The following SLC37A1 variants were observed in gnomAD, a reference collection of about 807,000 sequenced individuals.
SLC37A1 encodes the protein glucose-6-phosphate exchanger SLC37A1.
In SLC37A1, 49 loss-of-function variants were observed where a neutral mutation model predicts 75.3. The ratio of observed to expected loss-of-function variants is 0.65; its 90% CI spans 0.52 to 0.83. The LOEUF is 0.83. Ranked by LOEUF, SLC37A1 falls within the 40% of genes least tolerant of loss-of-function variation. SLC37A1 has a pLI of 0.00. For missense variants in SLC37A1, 566 were observed against 695.0 expected, an observed-to-expected ratio of 0.81 and a Z score of 2.09; for synonymous variants, 268 against 292.1, an observed-to-expected ratio of 0.92 and a Z score of 0.84.
intron 3 of SLC37A1, among the ~76,000 whole-genome samples, chr21:42,529,614 A>C (rs971883356): frequency 6.6e-6 from 1 of 152,222 alleles, no homozygotes. Context: ...AAAAGTACAA[A>C]TCCAAGAAGA....
Position 42,548,633 on chromosome 21 carries a change from C to A in SLC37A1, c.768+1493C>A, listed in dbSNP as rs1231128506. On this transcript the variant is annotated intron_variant, in intron 9 of 19. Transcript: ENST00000352133. This position sits in a 1 kb window ranked among gnomAD's most constrained non-coding sequence, Gnocchi z 5.6. ...CTGCTCATCAGCCTCCTAGAACGATCCACTCTTGCTCCCCAGAATCTCTTC... is the reference window on the plus strand; with the variant it reads ...CTGCTCATCAGCCTCCTAGAACGATACACTCTTGCTCCCCAGAATCTCTTC... Among the ~76,000 whole-genome samples the A allele has an allele frequency of 2.0e-5, 3 of 152,214 alleles. No individual in the cohort carries two copies. Among genetic ancestry groups the A allele is most frequent in the Admixed American group, 2.0e-4 (3 of 15,286 alleles).
chr21:42,555,235 G>A (rs559774283), intron 10 of SLC37A1, among the ~76,000 whole-genome samples: 1 of 151,870 alleles, frequency 6.6e-6, no homozygotes, highest in East Asian at 1.9e-4. Context: ...TGACCCACCC[G>A]CCTTAGCCTC....
chr21:42,508,122 C>T (rs76107508), intron 2 of SLC37A1, among the ~76,000 whole-genome samples: 3 of 80,932 alleles, frequency 3.7e-5, no homozygotes, highest in African/African-American at 1.4e-4. Context: ...AGAGTACGCT[C>T]TTTTTTTTTT....
chr21:42,531,682 C>T (rs776990376), intron 3 of SLC37A1, among the ~76,000 whole-genome samples: 7 of 152,062 alleles, frequency 4.6e-5, no homozygotes, highest in African/African-American at 1.2e-4. Context: ...GCTCACCTGG[C>T]GAGGGGTTTG....
At chr21:42,519,281 G>C (rs1366274621) in intron 2 of SLC37A1, among the ~76,000 whole-genome samples, 1 of 152,204 alleles carries the variant, frequency 6.6e-6, no homozygotes, top group Non-Finnish European at 1.5e-5. Flanking sequence ...GTCCTTCACA[G>C]GGGAAGGGGA....
rs973928632 is a variant in SLC37A1, at chr21:42,548,510, G to T, written c.768+1370G>T. The stretch of plus-strand genomic sequence containing the variant: ...TCCTTGGCCATGTTCTGTCAGTTCT[G>T]CTCTGTTCTGTGAGGGGATGTGGAA... On this transcript the variant is annotated intron_variant, in intron 9 of 19. Coordinates refer to ENST00000352133, the MANE Select transcript of SLC37A1 (RefSeq NM_001320537.2). The surrounding 1 kb of genome is among the most constrained non-coding windows in gnomAD (Gnocchi z 5.6). 6.6e-6 allele frequency among the ~76,000 whole-genome samples: 1 copy of T among 151,930 alleles called. No individual in the cohort carries two copies. The highest frequency in any genetic ancestry group is 1.5e-5 in the Non-Finnish European group (1 of 67,992).
intron 12 of SLC37A1, 106 bp from the exon 13 acceptor site, chr21:42,563,709 C>A: frequency 1.0e-6 from 1 of 969,666 alleles, no homozygotes; most frequent in Non-Finnish European, 1.6e-6. Context: ...ATAAATCAAG[C>A]TTATGAAGCC....
intron 17 of SLC37A1, among the ~76,000 whole-genome samples, chr21:42,571,978 C>T (rs112597933): frequency 0.087 from 13,165 of 152,186 alleles, 787 homozygotes; most frequent in Non-Finnish European, 0.13. Context: ...CTCTTGCCTG[C>T]GACACAGCCC....
chr21:42,536,182 T>C (rs2055133458), intron 5 of SLC37A1, among the ~76,000 whole-genome samples: 1 of 152,230 alleles, frequency 6.6e-6, no homozygotes, highest in African/African-American at 2.4e-5. Context: ...AGCTGGGATC[T>C]GAACCCCAGC....
At chr21:42,528,120 T>G (rs1444936092) in intron 3 of SLC37A1, among the ~76,000 whole-genome samples, 1 of 152,212 alleles carries the variant, frequency 6.6e-6, no homozygotes, top group East Asian at 1.9e-4. Context: ...GTTATGTCAT[T>G]TATAGAATGA....
At position 42,547,171 on chromosome 21, in the gene SLC37A1, G is replaced by T. The variant is rs1454853198; in HGVS notation, c.768+31G>T. Reference sequence around the variant, plus strand: ...GACCCTGTTTTCTTGTCCTTTTCTAGAACAGTGTGCGGTTCTGACCACTTC... The same window carrying T: ...GACCCTGTTTTCTTGTCCTTTTCTATAACAGTGTGCGGTTCTGACCACTTC... On this transcript the variant is annotated intron_variant, in intron 9 of 19. Coordinates refer to ENST00000352133, the MANE Select transcript of SLC37A1 (RefSeq NM_001320537.2). This position sits in a 1 kb window ranked among gnomAD's most constrained non-coding sequence, Gnocchi z 6.1. 6.2e-7 allele frequency: 1 copy of T among 1,613,880 alleles called. No individual in the cohort carries two copies. The highest frequency in any genetic ancestry group is 1.3e-5 in the African/African-American group (1 of 74,934).
chr21:42,563,988 G>T (rs999811903), intron 13 of SLC37A1, 111 bp downstream of exon 13: 1 of 1,254,230 alleles, frequency 8.0e-7, no homozygotes, highest in Non-Finnish European at 1.1e-6. Flanking sequence ...CATATCCCCT[G>T]AGTGGGCCCA....
intron 6 of SLC37A1, among the ~76,000 whole-genome samples, 200 bp downstream of exon 6, chr21:42,539,847 A>G (rs905021061): frequency 2.6e-5 from 4 of 152,136 alleles, no homozygotes; most frequent in Middle Eastern, 3.2e-3. Flanking sequence ...GTTTTCCTTA[A>G]TTTCAGGAGT....
chr21:42,503,493 C>T (rs1229071048), intron 2 of SLC37A1, among the ~76,000 whole-genome samples: 1 of 152,098 alleles, frequency 6.6e-6, no homozygotes, highest in Non-Finnish European at 1.5e-5. Flanking sequence ...AAGAGATCCA[C>T]TCACCTCAGC....
At chr21:42,509,016 C>A (rs1468644778), upstream of SLC37A1, among the ~76,000 whole-genome samples, 2 of 152,150 alleles carry the variant, frequency 1.3e-5, no homozygotes, top group Admixed American at 6.5e-5. This position sits in a 1 kb window ranked among gnomAD's most constrained non-coding sequence, Gnocchi z 4.2. Context: ...CTAAATTAAG[C>A]ACAGCCTTCT....
intron 3 of SLC37A1, among the ~76,000 whole-genome samples, chr21:42,532,969 C>T (rs573709914): frequency 6.6e-6 from 1 of 152,336 alleles, no homozygotes; most frequent in African/African-American, 2.4e-5. Flanking sequence ...AGCTGCATCA[C>T]GTGTGACATG....
chr21:42,579,523 T>TGCCCTCATCAGACAGCCCG (rs2056372521), intron 18 of SLC37A1, among the ~76,000 whole-genome samples: 1 of 151,988 alleles, frequency 6.6e-6, no homozygotes, highest in African/African-American at 2.4e-5. Flanking sequence ...CAGACAGCCC[T>TGCCCTCATCAGACAGCCCG]GCCCTCATCA....
Position 42,543,475 on chromosome 21 carries a change from C to T in SLC37A1, c.603C>T (p.Ser201=), listed in dbSNP as rs746326650. 9.9e-6 allele frequency: 16 copies of T among 1,614,092 alleles called. No homozygotes were observed. The East Asian group carries it at 1.1e-4, about 11-fold the overall frequency. ...TGGGGGTCTGGAACTCCCACACCTC[C>T]GTGGGCAACATCTTGGGGTCATTGA... The part of the protein sequence containing the change: ...LIMGVWNSHT[S]VGNILGSLIA... The change falls in exon 8 of 20, where the codon TCC becomes TCT. Residue 201 remains serine (S), a synonymous_variant. Coordinates refer to ENST00000352133, the MANE Select transcript of SLC37A1 (RefSeq NM_001320537.2).
chr21:42,537,616 A>G (rs1360773912), intron 5 of SLC37A1, among the ~76,000 whole-genome samples: 1 of 152,180 alleles, frequency 6.6e-6, no homozygotes, highest in Non-Finnish European at 1.5e-5. Context: ...ACATCCTACA[A>G]CACACAGGAC....
Sources: allele counts gnomAD v4.1 joint callset (sites outside exome capture counted in the v4.1 genomes callset), GRCh38; gene constraint gnomAD v4.1.1; non-coding constraint Gnocchi (gnomAD v3.1); transcripts MANE v1.5; gene names NCBI Gene and HGNC (gene_info 2026-07-23, HGNC 2026-07-21).